Variants in SELENOW observed in about 807,000 individuals in gnomAD.
SELENOW encodes selenoprotein W, 1.
A neutral mutation model predicts 16.6 loss-of-function variants in SELENOW; 20 were observed. That is an observed-to-expected ratio of 1.21 (90% CI 0.85 to 1.76). The LOEUF (loss-of-function observed/expected upper bound fraction) is 1.76. Ranked by LOEUF, SELENOW falls within the 40% of genes most tolerant of loss-of-function variation. The pLI, the probability that SELENOW is intolerant of heterozygous loss-of-function variation, is 0.00. For missense variants in SELENOW, 124 were observed against 111.0 expected, an observed-to-expected ratio of 1.12 and a Z score of -0.53; for synonymous variants, 44 against 46.2, an observed-to-expected ratio of 0.95 and a Z score of 0.19.
At chr19:47,783,512 A>C (rs1256798750) in intron 5 of SELENOW, 1 of 151,560 alleles carries the variant, frequency 6.6e-6, no homozygotes, top group Non-Finnish European at 1.5e-5. Flanking sequence ...CATACTTTTT[A>C]CTCCCCTCTA....
chr19:47,781,007 C>T (rs1568607977), intron 3 of SELENOW, 90 bp downstream of exon 3: 2 of 1,551,264 alleles, frequency 1.3e-6, no homozygotes, highest in Non-Finnish European at 8.9e-7. Flanking sequence ...TTAGGTCAGC[C>T]CTACGCCCTT....
At chr19:47,781,060 A>G (rs758063158) in intron 3 of SELENOW, 48 bp from the exon 4 acceptor site, 47 of 1,579,714 alleles carry the variant, frequency 3.0e-5, no homozygotes, top group Admixed American at 1.2e-4. Flanking sequence ...GGTCTCCCCA[A>G]GAGGACATCT....
intron 1 of SELENOW, chr19:47,780,235 AC>A: frequency 2.6e-6 from 1 of 379,020 alleles, no homozygotes; most frequent in Non-Finnish European, 5.4e-6. Flanking sequence ...TGGTGAAAAT[AC>A]AAAAATTAGC....
chr19:47,778,858 G>A, intron 1 of SELENOW, 44 bp downstream of exon 1: 1 of 1,559,600 alleles, frequency 6.4e-7, no homozygotes, highest in Non-Finnish European at 8.7e-7. Context: ...CCCCCGCCGG[G>A]ACCCGATTCT....
At chr19:47,779,802 C>CT in intron 1 of SELENOW, 1 of 177,442 alleles carries the variant, frequency 5.6e-6, no homozygotes, top group South Asian at 1.1e-4. Flanking sequence ...GAGCGAGACT[C>CT]TGTCTCAAAA....
At chr19:47,780,423 C>T (rs534504296) in intron 1 of SELENOW, 20 of 490,198 alleles carry the variant, frequency 4.1e-5, no homozygotes, top group African/African-American at 1.6e-4. Context: ...GTCTCCTTGT[C>T]TCCTCTCTCC....
Position 47,778,749 on chromosome 19 carries a change from G to A in SELENOW, c.-37G>A, listed in dbSNP as rs1254370082. On this transcript the variant is annotated 5_prime_UTR_variant, in exon 1 of 6. Transcript: ENST00000601048. ...CCAGGTGGGAGGTTAGTGTGGCCCG[G>A]GCGTCCGCTCCTCAGCGGATGTGGC... The A allele has an allele frequency of 3.8e-6, 6 of 1,592,018 alleles. No homozygotes were observed. The South Asian group carries it at 5.7e-5, about 15-fold the overall frequency.
intron 1 of SELENOW, 77 bp from the exon 2 acceptor site, chr19:47,780,648 G>T: frequency 3.8e-6 from 5 of 1,305,398 alleles, no homozygotes; most frequent in Non-Finnish European, 5.4e-6. Context: ...CACACCGCCT[G>T]TGTCTACCCT....
intron 1 of SELENOW, chr19:47,779,390 A>AATAGG: frequency 6.5e-6 from 1 of 153,406 alleles, no homozygotes; most frequent in African/African-American, 2.4e-5. Context: ...GGAAGGGTAT[A>AATAGG]ATAGGATAGG....
At chr19:47,782,975 G>A (rs1967493034) in intron 5 of SELENOW, 1 of 152,194 alleles carries the variant, frequency 6.6e-6, no homozygotes. Flanking sequence ...AGATAAGCGT[G>A]AAACCCAACC....
chr19:47,781,449 G>A, intron 5 of SELENOW, 61 bp downstream of exon 5: 1 of 945,650 alleles, frequency 1.1e-6, no homozygotes, highest in Non-Finnish European at 1.7e-6. Context: ...CCCATGCTCT[G>A]ACTCCTTGGC....
Position 47,781,455 on chromosome 19 carries a change from T to C in SELENOW, c.*18+67T>C. 5 of 913,632 alleles carry C rather than the reference T, an allele frequency of 5.5e-6. No homozygotes were observed. In the South Asian group the frequency reaches 7.1e-5, roughly 13 times the overall value. 56.6% of individuals were successfully genotyped at this position (913,632 alleles called of 1,614,324 possible). On this transcript the variant is annotated intron_variant, in intron 5 of 5. Transcript: ENST00000601048. ...TCTCCCTGCCCCATGCTCTGACTCCTTGGCCCAGGGTGGAGAGCCTGGGAG... is the reference window on the plus strand; with the variant it reads ...TCTCCCTGCCCCATGCTCTGACTCCCTGGCCCAGGGTGGAGAGCCTGGGAG...
intron 1 of SELENOW, chr19:47,780,403 C>T (rs1327882998): frequency 3.5e-5 from 16 of 463,400 alleles, no homozygotes; most frequent in Admixed American, 1.0e-4. Context: ...CCCCGTCTCT[C>T]GTATTTGTGG....
intron 5 of SELENOW, 174 bp downstream of exon 5, chr19:47,781,562 G>T (rs1967477264): frequency 1.8e-5 from 11 of 609,202 alleles, no homozygotes; most frequent in South Asian, 1.5e-4. Context: ...CTGAGATGGG[G>T]TCAGAGGTGT....
chr19:47,781,010 A>G (rs1398238116), intron 3 of SELENOW, 93 bp downstream of exon 3: 9 of 1,548,632 alleles, frequency 5.8e-6, no homozygotes, highest in Non-Finnish European at 8.0e-6. Context: ...GGTCAGCCCT[A>G]CGCCCTTCAC....
chr19:47,780,502 G>A (rs1040706840), intron 1 of SELENOW: 64 of 578,128 alleles, frequency 1.1e-4, no homozygotes, highest in African/African-American at 1.1e-3. Context: ...GTGTGTCCCC[G>A]CGCCACCCCC....
Position 47,784,316 on chromosome 19 carries a change from C to T in SELENOW, c.*45C>T, listed in dbSNP as rs953679473. 6.5e-6 allele frequency: 1 copy of T among 152,686 alleles called. No homozygotes were observed. Among genetic ancestry groups the T allele is most frequent in the African/African-American group, 2.4e-5 (1 of 41,438 alleles). 9.5% of individuals were successfully genotyped at this position (152,686 alleles called of 1,614,324 possible). A position where few individuals can be genotyped will look rare whatever the true frequency, so the allele number is the denominator to read the frequency against. ...CCAGGGACCTTGACCCAGCCCCTCT[C>T]AGCAGACGCTTCATGATAGGAAGGA... On this transcript the variant is annotated 3_prime_UTR_variant, in exon 6 of 6. Coordinates refer to ENST00000601048, the MANE Select transcript of SELENOW (RefSeq NM_003009.4).
At chr19:47,782,552 T>TTTC (rs1967488622) in intron 5 of SELENOW, 1 of 151,778 alleles carries the variant, frequency 6.6e-6, no homozygotes, top group Non-Finnish European at 1.5e-5. Flanking sequence ...TTCTTTCTTT[T>TTTC]TTTTTTGAGA....
intron 5 of SELENOW, chr19:47,781,607 A>T (rs1371206324): frequency 1.4e-5 from 8 of 576,022 alleles, no homozygotes. Flanking sequence ...TGGGTCAGAG[A>T]TATGCAGGAT....
Sources: allele counts gnomAD v4.1 joint callset, GRCh38; gene constraint gnomAD v4.1.1; transcripts MANE v1.5; gene names NCBI Gene and HGNC (gene_info 2026-07-23, HGNC 2026-07-21).